The following GREB1L variants were observed in gnomAD, a reference collection of about 807,000 sequenced individuals.
GREB1L encodes the protein GREB1-like protein.
A neutral mutation model predicts 200.8 loss-of-function variants in GREB1L; 17 were observed. The observed-to-expected ratio is 0.08, with a 90% CI of 0.06 to 0.13. GREB1L has a LOEUF of 0.13. Among genes scored for constraint, GREB1L ranks in the 10% least tolerant of loss-of-function variants. GREB1L has a pLI of 1.00. For missense variants in GREB1L, 1,657 were observed against 2,367.7 expected (o/e 0.70, Z 6.23); for synonymous variants, 789 against 893.0 (o/e 0.88, Z 2.08).
At chr18:21,244,471 A>G (rs2037563309) in intron 1 of GREB1L, among the ~76,000 whole-genome samples, 2 of 152,186 alleles carry the variant, frequency 1.3e-5, no homozygotes, top group African/African-American at 2.4e-5. Context: ...CCGCCACACG[A>G]CGTAACTTTT....
intron 15 of GREB1L, among the ~76,000 whole-genome samples, chr18:21,459,586 C>T (rs1443646462): frequency 2.0e-5 from 3 of 151,876 alleles, no homozygotes; most frequent in South Asian, 2.1e-4. Context: ...CGCGCATGGC[C>T]GGCATTCTCA....
At chr18:21,512,645 T>G (rs1043016470) in intron 27 of GREB1L, among the ~76,000 whole-genome samples, 8 of 152,076 alleles carry the variant, frequency 5.3e-5, no homozygotes, top group African/African-American at 1.9e-4. Flanking sequence ...TGCCTTTTAT[T>G]TATTTATTTT....
chr18:21,373,417 T>C (rs2039956000), intron 2 of GREB1L, among the ~76,000 whole-genome samples: 1 of 152,162 alleles, frequency 6.6e-6, no homozygotes, highest in African/African-American at 2.4e-5. Flanking sequence ...CACTGCAACC[T>C]CCGCGTCCCA....
Position 21,496,617 on chromosome 18 carries a change from G to A in GREB1L, c.3310G>A (p.Val1104Ile). 1 of 1,551,734 alleles carries A rather than the reference G, an allele frequency of 6.4e-7. No homozygotes were observed. Among genetic ancestry groups the A allele is most frequent in the Non-Finnish European group, 8.7e-7 (1 of 1,146,992 alleles). Reference sequence around the variant, plus strand: ...CGGGAAGGAGCAGGAGAGAGCTGCTGTCAGTGAGAATGACTCCGATGAGCT... The same window carrying A: ...CGGGAAGGAGCAGGAGAGAGCTGCTATCAGTGAGAATGACTCCGATGAGCT... ...LSGKEQERAA[V>I]SENDSDELLI... The change falls in exon 21 of 33, where the codon GTC becomes ATC. Residue 1104 changes from valine to isoleucine, a missense_variant. Physicochemically the swap from Val to Ile is conservative, Grantham distance 29. Coordinates refer to ENST00000424526, the MANE Select transcript of GREB1L (RefSeq NM_001142966.3).
chr18:21,497,821 CTTT>C (rs1555659431), intron 21 of GREB1L, among the ~76,000 whole-genome samples: 1 of 80,954 alleles, frequency 1.2e-5, no homozygotes. Context: ...ACCCCCCCCC[CTTT>C]TTTTTTTTTT....
intron 3 of GREB1L, 94 bp downstream of exon 3, chr18:21,383,769 G>A: frequency 7.9e-7 from 1 of 1,262,440 alleles, no homozygotes; most frequent in Non-Finnish European, 1.1e-6. Flanking sequence ...CTGGAGTGCA[G>A]TGGCGTGATC....
chr18:21,388,533 CTTTTTTTTTTTTTTTTT>C (rs768141691), intron 4 of GREB1L, among the ~76,000 whole-genome samples: 1 of 74,650 alleles, frequency 1.3e-5, no homozygotes, highest in South Asian at 5.4e-4. Context: ...CCTTAGGTTC[CTTTTTTTTTTTTTTTTT>C]TTTTTTTTTG....
chr18:21,361,627 A>G lies in GREB1L; in HGVS notation c.-119-4400A>G, dbSNP rs2039581297. Among the ~76,000 whole-genome samples, 4 of 152,150 alleles carry G rather than the reference A, an allele frequency of 2.6e-5. No homozygotes were observed. In the South Asian group the frequency reaches 8.3e-4, roughly 32 times the overall value. On this transcript the variant is annotated intron_variant, in intron 1 of 32. Transcript: ENST00000424526. ...GACAGGGTTTTGAAGTGCAAATAGA[A>G]TGGTGAAGAGTAAACCCTTTTAGGG...
Position 21,505,918 on chromosome 18 carries a change from G to A in GREB1L, c.4337G>A (p.Arg1446His), listed in dbSNP as rs1383051844. ...ACCTTTCACCACTGTGAACAGTGCC[G>A]CCAGTACATGGACTTCACCTCTGCC... is the stretch of plus-strand genomic sequence containing the variant. ...YNTFHHCEQC[R>H]QYMDFTSASQ... Residue 1446 changes from arginine (R) to histidine (H), a missense_variant, in exon 25 of 33, where the codon CGC becomes CAC. Coordinates refer to ENST00000424526, the MANE Select transcript of GREB1L (RefSeq NM_001142966.3). The A allele has an allele frequency of 5.8e-6, 9 of 1,552,150 alleles. No homozygotes were observed. In the South Asian group the frequency reaches 5.9e-5, roughly 10 times the overall value.
rs185733314 is a variant in GREB1L at position 21,263,954 on chromosome 18, G to T, written c.-120+21561G>T. On this transcript the variant is annotated intron_variant, in intron 1 of 32. Transcript: ENST00000424526. The stretch of plus-strand genomic sequence containing the variant: ...TCACTTCTGAAGTTATAGGAAGATT[G>T]TTGGCAGATTTTGTCTACCTTTTAG... 3.1e-3 allele frequency among the ~76,000 whole-genome samples: 478 copies of T among 152,266 alleles called. 2 individuals are homozygous for T. Among genetic ancestry groups the T allele is most frequent in the Non-Finnish European group, 5.1e-3 (348 of 68,000 alleles).
chr18:21,265,731 G>C lies in GREB1L; in HGVS notation c.-120+23338G>C, dbSNP rs566934691. Among the ~76,000 whole-genome samples the C allele has an allele frequency of 6.6e-5, 10 of 152,192 alleles. No homozygotes were observed. In the East Asian group the frequency reaches 1.9e-3, roughly 29 times the overall value. Reference sequence around the variant, plus strand: ...TTATGAATCCTCTCGCCATGATGTTGACTCAATTGGAAGATGACACAGTTT... The same window carrying C: ...TTATGAATCCTCTCGCCATGATGTTCACTCAATTGGAAGATGACACAGTTT... On this transcript the variant is annotated intron_variant, in intron 1 of 32. Transcript: ENST00000424526.
intron 7 of GREB1L, among the ~76,000 whole-genome samples, chr18:21,439,086 G>T (rs1195210047): frequency 3.9e-5 from 6 of 152,106 alleles, no homozygotes; most frequent in Admixed American, 1.3e-4. Context: ...TATGTGGAGG[G>T]GACGGAGGTA....
intron 7 of GREB1L, among the ~76,000 whole-genome samples, chr18:21,414,989 G>A (rs1299535203): frequency 1.3e-5 from 2 of 152,114 alleles, no homozygotes; most frequent in Non-Finnish European, 2.9e-5. Context: ...ACAATTTCTA[G>A]ACCATGATAT....
At chr18:21,339,126 G>A (rs1479374684) in intron 1 of GREB1L, among the ~76,000 whole-genome samples, 1 of 151,930 alleles carries the variant, frequency 6.6e-6, no homozygotes, top group Non-Finnish European at 1.5e-5. Context: ...GGCTGAGGTT[G>A]CAGTGAGCCG....
At chr18:21,387,553 C>CT (rs1470135511) in intron 4 of GREB1L, 2 of 152,160 alleles carry the variant, frequency 1.3e-5, no homozygotes, top group Non-Finnish European at 2.9e-5. Context: ...TAGATCCTCC[C>CT]TTAGGATACT....
Position 21,259,185 on chromosome 18 carries a change from A to T in GREB1L, c.-120+16792A>T, listed in dbSNP as rs1830780328. On this transcript the variant is annotated intron_variant, in intron 1 of 32. Coordinates refer to ENST00000424526, the MANE Select transcript of GREB1L (RefSeq NM_001142966.3). ...ATTAAGGTTTGTTTAACCTGTACTG[A>T]TTTTTAAAAAGGATTTGAAGTAATA... 6.6e-5 allele frequency among the ~76,000 whole-genome samples: 10 copies of T among 152,214 alleles called. 1 individual carries two copies. Among genetic ancestry groups the T allele is most frequent in the Admixed American group, 6.5e-4 (10 of 15,276 alleles).
At chr18:21,393,297 G>A (rs1028270735) in intron 4 of GREB1L, among the ~76,000 whole-genome samples, 1 of 151,766 alleles carries the variant, frequency 6.6e-6, no homozygotes, top group African/African-American at 2.4e-5. Flanking sequence ...CTGAAATAGC[G>A]TTTTTTTCCC....
At chr18:21,436,669 G>GGGGGGTGTGT (rs1447242837) in intron 7 of GREB1L, among the ~76,000 whole-genome samples, 2 of 132,456 alleles carry the variant, frequency 1.5e-5, no homozygotes, top group African/African-American at 5.7e-5. Flanking sequence ...AAAGTTCAGT[G>GGGGGGTGTGT]GTGTGTGTGT....
At chr18:21,482,894 C>T (rs781644321) in intron 17 of GREB1L, among the ~76,000 whole-genome samples, 21 of 152,006 alleles carry the variant, frequency 1.4e-4, no homozygotes, top group Non-Finnish European at 2.5e-4. Context: ...ATAAGTCAGA[C>T]GATTTATGAT....
Sources: allele counts gnomAD v4.1 joint callset (sites outside exome capture counted in the v4.1 genomes callset), GRCh38; gene constraint gnomAD v4.1.1; transcripts MANE v1.5; gene names NCBI Gene and HGNC (gene_info 2026-07-23, HGNC 2026-07-21).